The following GALNTL5 variants were observed in gnomAD, a reference collection of about 807,000 sequenced individuals.
The protein encoded by GALNTL5 is polypeptide N-acetylgalactosaminyltransferase like 5.
Under a neutral mutation model 51.0 loss-of-function variants are expected in GALNTL5, and 44 were observed. The ratio of observed to expected loss-of-function variants is 0.86; its 90% confidence interval spans 0.68 to 1.11. The LOEUF is 1.11. Among genes scored for constraint, GALNTL5 ranks in the 50% least tolerant of loss-of-function variants. The pLI is 0.00. For synonymous variants in GALNTL5, 192 were observed against 182.8 expected (o/e 1.05, Z -0.41); for missense variants, 528 against 531.8 (o/e 0.99, Z 0.07).
intron 2 of GALNTL5, among the ~76,000 whole-genome samples, chr7:151,969,640 G>A (rs1470134463): frequency 6.6e-6 from 1 of 152,110 alleles, no homozygotes; most frequent in East Asian, 1.9e-4. Flanking sequence ...GGGGCTTCAA[G>A]TATGTTCTTT....
At chr7:151,958,460 C>CA (rs2080952251) in intron 1 of GALNTL5, among the ~76,000 whole-genome samples, 1 of 152,220 alleles carries the variant, frequency 6.6e-6, no homozygotes, top group Non-Finnish European at 1.5e-5. Context: ...TCTGAGCCCC[C>CA]AAGGACTGTT....
intron 7 of GALNTL5, among the ~76,000 whole-genome samples, chr7:152,012,379 AAAAC>A (rs759497935): frequency 7.9e-5 from 12 of 152,316 alleles, no homozygotes; most frequent in Admixed American, 3.9e-4. Flanking sequence ...AAAAAGTCAA[AAAAC>A]AAACAAACAA....
intron 5 of GALNTL5, among the ~76,000 whole-genome samples, chr7:151,992,121 A>G (rs2151951634): frequency 1.3e-5 from 2 of 152,138 alleles, no homozygotes; most frequent in South Asian, 4.1e-4. Context: ...GTAAATAGAA[A>G]CCTCAGTAAA....
intron 5 of GALNTL5, among the ~76,000 whole-genome samples, chr7:151,996,785 A>T (rs2081505886): frequency 7.3e-6 from 1 of 137,410 alleles, no homozygotes; most frequent in African/African-American, 2.8e-5. Context: ...CAATAACATA[A>T]CGTGTAGGTA....
chr7:151,980,884 T>C (rs2081273751), intron 3 of GALNTL5, among the ~76,000 whole-genome samples: 1 of 148,136 alleles, frequency 6.8e-6, no homozygotes, highest in African/African-American at 2.6e-5. Flanking sequence ...TAGCTGGGAC[T>C]ACAGGCACCC....
chr7:152,011,517 A>G (rs559138359), intron 7 of GALNTL5, among the ~76,000 whole-genome samples: 1 of 152,366 alleles, frequency 6.6e-6, no homozygotes, highest in South Asian at 2.1e-4. Flanking sequence ...TCCAGGAACC[A>G]GGGCCTTGCC....
At chr7:152,011,944 T>G (rs10231618) in intron 7 of GALNTL5, among the ~76,000 whole-genome samples, 1,804 of 152,354 alleles carry the variant, frequency 0.012, 35 homozygotes, top group African/African-American at 0.042. Context: ...ACTTTTTCTT[T>G]CATCTGTCCA....
intron 5 of GALNTL5, chr7:151,995,474 T>A (rs1444344921): frequency 1.4e-5 from 2 of 147,766 alleles, no homozygotes; most frequent in Non-Finnish European, 3.0e-5. Context: ...TAGTGTTGCT[T>A]CTGGATGTGG....
intron 7 of GALNTL5, among the ~76,000 whole-genome samples, chr7:152,010,691 C>T (rs1409761966): frequency 2.0e-5 from 3 of 151,776 alleles, no homozygotes; most frequent in African/African-American, 7.3e-5. Context: ...TTGCTTGAAC[C>T]TGGGAGGTGG....
At chr7:151,971,155 A>G in intron 3 of GALNTL5, 90 bp downstream of exon 3, 2 of 957,222 alleles carry the variant, frequency 2.1e-6, no homozygotes, top group Non-Finnish European at 3.1e-6. Flanking sequence ...AACAGTTACT[A>G]ACCAGATTTT....
chr7:151,969,585 A>G (rs544143920), intron 2 of GALNTL5, among the ~76,000 whole-genome samples: 5 of 151,904 alleles, frequency 3.3e-5, no homozygotes, highest in Admixed American at 6.6e-5. Flanking sequence ...ACTGAGTACT[A>G]TGAGGTCACC....
Position 152,014,797 on chromosome 7 carries a change from G to A in GALNTL5, c.1176+4G>A. On this transcript the variant is annotated splice_donor_region_variant and intron_variant, in intron 8 of 8. Coordinates refer to ENST00000392800, the MANE Select transcript of GALNTL5 (RefSeq NM_145292.4). Reference sequence around the variant, plus strand: ...CGTTTGGCTGGATGAATATAAGGTGGGGAACACATCCTTGACTTGGAAAAT... The same window carrying A: ...CGTTTGGCTGGATGAATATAAGGTGAGGAACACATCCTTGACTTGGAAAAT... 6.2e-7 allele frequency: 1 copy of A among 1,602,642 alleles called. No homozygotes were observed. Among genetic ancestry groups the A allele is most frequent in the Non-Finnish European group, 8.5e-7 (1 of 1,175,514 alleles).
At chr7:151,979,106 C>CCTTTTT (rs1554405638) in intron 3 of GALNTL5, among the ~76,000 whole-genome samples, 1 of 71,164 alleles carries the variant, frequency 1.4e-5, no homozygotes, top group Non-Finnish European at 3.0e-5. Flanking sequence ...TACTTTTACT[C>CCTTTTT]TTTTTTTTTT....
intron 5 of GALNTL5, among the ~76,000 whole-genome samples, chr7:151,990,299 C>T (rs1029616694): frequency 6.6e-6 from 1 of 152,008 alleles, no homozygotes; most frequent in Non-Finnish European, 1.5e-5. Context: ...CTGCCTCGGC[C>T]TCCTGAAGTG....
intron 6 of GALNTL5, among the ~76,000 whole-genome samples, chr7:152,006,422 G>A (rs2081643073): frequency 6.6e-6 from 1 of 152,176 alleles, no homozygotes; most frequent in African/African-American, 2.4e-5. Flanking sequence ...TTTGTAATTG[G>A]CAGAGATAAC....
chr7:152,009,351 G>A (rs1187573860), intron 7 of GALNTL5, among the ~76,000 whole-genome samples: 1 of 152,192 alleles, frequency 6.6e-6, no homozygotes, highest in Non-Finnish European at 1.5e-5. Context: ...CTTAATGGAT[G>A]GCTTTTGATC....
intron 6 of GALNTL5, among the ~76,000 whole-genome samples, chr7:152,005,806 T>C (rs1221519852): frequency 6.6e-6 from 1 of 152,218 alleles, no homozygotes; most frequent in East Asian, 1.9e-4. Flanking sequence ...TCAATAGAAT[T>C]ACTTAGGACT....
chr7:151,958,138 C>T (rs2080948081), intron 1 of GALNTL5, among the ~76,000 whole-genome samples: 1 of 152,224 alleles, frequency 6.6e-6, no homozygotes, highest in African/African-American at 2.4e-5. Flanking sequence ...TTCAATGTCA[C>T]TTTGCCAGCT....
At chr7:151,965,982 A>G (rs975928146) in intron 1 of GALNTL5, among the ~76,000 whole-genome samples, 1 of 152,024 alleles carries the variant, frequency 6.6e-6, no homozygotes, top group African/African-American at 2.4e-5. Context: ...TATATATATA[A>G]TCACTATTAT....
Sources: gnomAD v4.1 joint callset for allele counts (sites outside exome capture counted in the v4.1 genomes callset) on GRCh38, gnomAD v4.1.1 for gene constraint, MANE v1.5 for transcripts, NCBI Gene and HGNC (gene_info 2026-07-23, HGNC 2026-07-21) for gene names.